Variants in IL16 observed in about 807,000 individuals in gnomAD.
The protein encoded by IL16 is pro-interleukin-16.
Under a neutral mutation model 110.1 loss-of-function variants are expected in IL16, and 67 were observed. That is an observed-to-expected ratio of 0.61 (90% CI 0.50 to 0.75). IL16 has a LOEUF of 0.75. Among genes scored for constraint, IL16 ranks in the 30% least tolerant of loss-of-function variants. The probability of loss-of-function intolerance (pLI) is 0.00; values close to 1 mark genes in which losing one functional copy is unlikely to be tolerated. For missense variants in IL16, 1,545 were observed against 1,655.0 expected (o/e 0.93, Z 1.15); for synonymous variants, 689 against 662.9 (o/e 1.04, Z -0.61).
chr15:81,243,182 T>A (rs1897409291), intron 2 of IL16, among the ~76,000 whole-genome samples: 1 of 89,598 alleles, frequency 1.1e-5, no homozygotes, highest in African/African-American at 4.0e-5. Context: ...TTTTTTTTTT[T>A]TTTTTTTTTT....
intron 3 of IL16, among the ~76,000 whole-genome samples, chr15:81,263,420 A>C (rs1435672092): frequency 6.7e-6 from 1 of 148,370 alleles, no homozygotes; most frequent in Non-Finnish European, 1.5e-5. Flanking sequence ...AATACTCTAC[A>C]CTTAACTGGT....
intron 2 of IL16, among the ~76,000 whole-genome samples, chr15:81,244,093 G>A (rs1214255895): frequency 6.6e-6 from 1 of 152,108 alleles, no homozygotes; most frequent in Admixed American, 6.5e-5. Context: ...ACCAATTCAA[G>A]TGAAGTGTAG....
chr15:81,276,024 A>G (rs1005077462), intron 6 of IL16, among the ~76,000 whole-genome samples: 2 of 152,262 alleles, frequency 1.3e-5, no homozygotes, highest in African/African-American at 4.8e-5. Context: ...AATAACTTAA[A>G]GAGAAGTCTA....
At chr15:81,248,639 GATT>G (rs1897650091) in intron 2 of IL16, among the ~76,000 whole-genome samples, 2 of 145,944 alleles carry the variant, frequency 1.4e-5, no homozygotes, top group South Asian at 4.4e-4. Flanking sequence ...TCTTTTTATT[GATT>G]ATATTTTCTC....
intron 2 of IL16, among the ~76,000 whole-genome samples, chr15:81,232,717 G>C (rs964958973): frequency 5.9e-5 from 9 of 152,098 alleles, no homozygotes; most frequent in African/African-American, 2.2e-4. Flanking sequence ...ACTCAATTTA[G>C]CTATGATGTA....
At chr15:81,277,604 C>T (rs962478242) in intron 6 of IL16, among the ~76,000 whole-genome samples, 1 of 152,048 alleles carries the variant, frequency 6.6e-6, no homozygotes, top group African/African-American at 2.4e-5. Context: ...CCACTACATC[C>T]AGCTAATATT....
At chr15:81,198,380 A>G (rs1223012635) in intron 1 of IL16, among the ~76,000 whole-genome samples, 2 of 152,210 alleles carry the variant, frequency 1.3e-5, no homozygotes, top group East Asian at 3.9e-4. Flanking sequence ...ACCCAAACCC[A>G]GCTTGACTCC....
chr15:81,245,494 G>GA (rs771330814), intron 2 of IL16, among the ~76,000 whole-genome samples: 40 of 83,734 alleles, frequency 4.8e-4, no homozygotes, highest in Middle Eastern at 5.7e-3. Context: ...CCGTATGGCA[G>GA]GATGAAAGTC....
chr15:81,245,486 G>A (rs962510251), intron 2 of IL16, among the ~76,000 whole-genome samples: 31 of 136,434 alleles, frequency 2.3e-4, no homozygotes, highest in Middle Eastern at 3.6e-3. Flanking sequence ...GCTTTTTGCC[G>A]TATGGCAGGA....
At chr15:81,252,198 T>G (rs912022065) in intron 2 of IL16, among the ~76,000 whole-genome samples, 4 of 152,170 alleles carry the variant, frequency 2.6e-5, no homozygotes, top group Non-Finnish European at 4.4e-5. Flanking sequence ...CAGGATTCAC[T>G]GGTAGGAAGT....
intron 1 of IL16, among the ~76,000 whole-genome samples, chr15:81,184,415 T>C (rs1895388631): frequency 6.6e-6 from 1 of 152,198 alleles, no homozygotes; most frequent in South Asian, 2.1e-4. Flanking sequence ...GTGATGCAGT[T>C]GCAACACTGG....
In IL16 at chr15:81,303,361, TAAG is replaced by T; in HGVS notation, c.3319-187_3319-185del. On this transcript the variant is annotated intron_variant, in intron 15 of 18. Transcript: ENST00000683961. This position sits in a 1 kb window ranked among gnomAD's most constrained non-coding sequence, Gnocchi z 4.1. ...CTTTACATACATTTTTTTTTTCTTC[TAAG>T]CTTCCCATGACTCCTGAAGGTCCAT... 1 of 569,700 alleles carries T rather than the reference TAAG, an allele frequency of 1.8e-6. No homozygotes were observed. The highest frequency in any genetic ancestry group is 3.1e-6 in the Non-Finnish European group (1 of 318,454). 35.3% of individuals were successfully genotyped at this position (569,700 alleles called of 1,614,324 possible). A position where few individuals can be genotyped will look rare whatever the true frequency, so the allele number is the denominator to read the frequency against.
At chr15:81,284,289 T>G (rs1291035098) in intron 9 of IL16, among the ~76,000 whole-genome samples, 1 of 152,242 alleles carries the variant, frequency 6.6e-6, no homozygotes, top group Non-Finnish European at 1.5e-5. Context: ...TTTGCCATCC[T>G]TTTAAAGGGT....
intron 9 of IL16, among the ~76,000 whole-genome samples, chr15:81,285,227 T>G (rs969633259): frequency 3.4e-4 from 52 of 152,210 alleles, no homozygotes; most frequent in African/African-American, 1.1e-3. Context: ...TTTTAGCACA[T>G]GTAGGATGTT....
chr15:81,208,837 T>G (rs1740122693), intron 1 of IL16, among the ~76,000 whole-genome samples: 1 of 152,184 alleles, frequency 6.6e-6, no homozygotes, highest in Non-Finnish European at 1.5e-5. Context: ...TCTGACTTTC[T>G]CAGTTACTAG....
At chr15:81,203,719 C>T (rs1895908250) in intron 1 of IL16, among the ~76,000 whole-genome samples, 1 of 152,206 alleles carries the variant, frequency 6.6e-6, no homozygotes, top group Admixed American at 6.5e-5. Context: ...GTTTTGGTTA[C>T]TGCAGCCTTG....
chr15:81,184,258 C>G (rs2141904743), intron 1 of IL16, among the ~76,000 whole-genome samples: 1 of 152,302 alleles, frequency 6.6e-6, no homozygotes, highest in South Asian at 2.1e-4. Context: ...CACTTCCTAC[C>G]CTGGCTGCAC....
chr15:81,214,949 G>A (rs1242498099), intron 1 of IL16, among the ~76,000 whole-genome samples: 4 of 152,098 alleles, frequency 2.6e-5, no homozygotes, highest in Non-Finnish European at 5.9e-5. Flanking sequence ...TGAAATTTTT[G>A]TAGTGAGTCT....
At chr15:81,275,787 AT>A (rs1439795567) in intron 6 of IL16, among the ~76,000 whole-genome samples, 1 of 152,220 alleles carries the variant, frequency 6.6e-6, no homozygotes, top group Non-Finnish European at 1.5e-5. Context: ...TTAAAAGTAA[AT>A]ATTTGAATCT....
Sources: gnomAD v4.1 joint callset for allele counts (sites outside exome capture counted in the v4.1 genomes callset) on GRCh38, gnomAD v4.1.1 for gene constraint, Gnocchi (gnomAD v3.1) non-coding constraint, MANE v1.5 for transcripts, NCBI Gene and HGNC (gene_info 2026-07-23, HGNC 2026-07-21) for gene names.